Variants in LSAMP observed in about 807,000 individuals in gnomAD.
The protein encoded by LSAMP is limbic system associated membrane protein.
Under a neutral mutation model 38.6 loss-of-function variants are expected in LSAMP, and 7 were observed. That is an observed-to-expected ratio of 0.18 (90% CI 0.10 to 0.34). The LOEUF is 0.34. LSAMP is among the 10% of genes least tolerant of loss of function. The pLI, the probability that LSAMP is intolerant of heterozygous loss-of-function variation, is 1.00. For synonymous variants in LSAMP, 154 were observed against 166.8 expected (o/e 0.92, Z 0.59); for missense variants, 313 against 420.0 (o/e 0.75, Z 2.23).
intron 1 of LSAMP, among the ~76,000 whole-genome samples, chr3:116,216,190 T>TAGTC (rs1378962146): frequency 6.6e-6 from 1 of 152,236 alleles, no homozygotes; most frequent in Admixed American, 6.5e-5. Flanking sequence ...ATTTAAATTC[T>TAGTC]AGTCATGTCT....
At chr3:116,316,741 A>C (rs766871077) in intron 1 of LSAMP, among the ~76,000 whole-genome samples, 6 of 145,680 alleles carry the variant, frequency 4.1e-5, no homozygotes, top group Non-Finnish European at 7.5e-5. Context: ...ATTGCACTCC[A>C]GCCTGGGTGA....
chr3:115,879,613 A>G (rs1206681984), intron 3 of LSAMP, among the ~76,000 whole-genome samples: 2 of 152,254 alleles, frequency 1.3e-5, no homozygotes, highest in African/African-American at 2.4e-5. Flanking sequence ...GGCTGTACCA[A>G]TGGAGGGCAG....
At chr3:116,217,030 A>C (rs1202681879) in intron 1 of LSAMP, among the ~76,000 whole-genome samples, 1 of 152,174 alleles carries the variant, frequency 6.6e-6, no homozygotes, top group Non-Finnish European at 1.5e-5. Context: ...GACATTGGAA[A>C]TATCACAATC....
chr3:115,839,320 T>TCCTTCCTTCCTTC (rs1934920837), intron 6 of LSAMP, among the ~76,000 whole-genome samples: 1 of 141,742 alleles, frequency 7.1e-6, no homozygotes, highest in African/African-American at 2.5e-5. Context: ...CTTCCTTCCT[T>TCCTTCCTTCCTTC]TTTTCCTTGC....
intron 1 of LSAMP, among the ~76,000 whole-genome samples, chr3:116,427,553 T>A (rs1015822268): frequency 1.3e-5 from 2 of 152,220 alleles, no homozygotes; most frequent in Admixed American, 1.3e-4. Context: ...TACAGGTTCC[T>A]TGAGGGACTA....
intron 1 of LSAMP, among the ~76,000 whole-genome samples, chr3:116,258,835 A>C (rs1415933831): frequency 1.3e-5 from 2 of 152,142 alleles, no homozygotes; most frequent in African/African-American, 4.8e-5. Flanking sequence ...TGCTCAATTA[A>C]AAAGATAGAG....
intron 1 of LSAMP, among the ~76,000 whole-genome samples, chr3:116,118,844 T>C (rs1289122114): frequency 1.3e-5 from 2 of 152,218 alleles, no homozygotes; most frequent in Non-Finnish European, 2.9e-5. Context: ...CCCTCATCTA[T>C]TATAAAGTTT....
At chr3:116,234,324 G>A (rs9866532) in intron 1 of LSAMP, among the ~76,000 whole-genome samples, 109,738 of 151,992 alleles carry the variant, frequency 0.72, 41,070 homozygotes, top group South Asian at 0.84. Context: ...GGGCGTTCAC[G>A]GGGAATAATT....
intron 3 of LSAMP, among the ~76,000 whole-genome samples, chr3:115,887,793 C>A (rs527987613): frequency 6.6e-6 from 1 of 151,782 alleles, no homozygotes; most frequent in Non-Finnish European, 1.5e-5. Flanking sequence ...TTAGAGCAGG[C>A]GACCTTGGGG....
At chr3:116,344,422 A>G (rs1309828215) in intron 1 of LSAMP, among the ~76,000 whole-genome samples, 2 of 152,118 alleles carry the variant, frequency 1.3e-5, no homozygotes, top group Admixed American at 1.3e-4. Flanking sequence ...TGAGGGGGAG[A>G]ACATTATTTT....
intron 3 of LSAMP, among the ~76,000 whole-genome samples, chr3:115,892,958 T>C (rs1163784208): frequency 6.6e-6 from 1 of 151,782 alleles, no homozygotes; most frequent in Non-Finnish European, 1.5e-5. Context: ...TGAAGCTGTA[T>C]GTGAAATCTC....
At chr3:115,959,046 T>C (rs569345705) in intron 3 of LSAMP, among the ~76,000 whole-genome samples, 2 of 152,322 alleles carry the variant, frequency 1.3e-5, no homozygotes, top group South Asian at 4.1e-4. Flanking sequence ...CCATACCCTA[T>C]AGTTAGGACA....
rs145709624 is a variant in LSAMP at position 116,111,202 on chromosome 3, G to T, written c.156-24646C>A. Among the ~76,000 whole-genome samples the T allele has an allele frequency of 6.9e-3, 1,051 of 152,328 alleles. 10 individuals carry two copies. Among genetic ancestry groups the T allele is most frequent in the African/African-American group, 0.024 (977 of 41,570 alleles). On this transcript the variant is annotated intron_variant, in intron 1 of 6. Transcript: ENST00000490035. ...CGTGCAAGTCACAGGGGATGCGATG[G>T]CTTGGCTTGGGCTCAGAGGCCTGAC... is the stretch of plus-strand genomic sequence containing the variant.
At chr3:116,033,650 C>A (rs1424127041) in intron 2 of LSAMP, among the ~76,000 whole-genome samples, 1 of 152,116 alleles carries the variant, frequency 6.6e-6, no homozygotes, top group East Asian at 1.9e-4. Flanking sequence ...ATTTCTGTGG[C>A]AGCCACGACC....
intron 6 of LSAMP, chr3:115,814,018 T>C (rs1451063151): frequency 6.6e-6 from 1 of 152,226 alleles, no homozygotes; most frequent in Non-Finnish European, 1.5e-5. Flanking sequence ...AATTATATTT[T>C]AGTATCCAAT....
intron 1 of LSAMP, among the ~76,000 whole-genome samples, chr3:116,140,745 C>T (rs993171036): frequency 1.3e-5 from 2 of 151,904 alleles, no homozygotes; most frequent in African/African-American, 4.8e-5. Flanking sequence ...TATGTATCTG[C>T]TCAAGGGTGC....
chr3:116,288,381 G>A (rs988008733), intron 1 of LSAMP, among the ~76,000 whole-genome samples: 3 of 152,146 alleles, frequency 2.0e-5, no homozygotes, highest in Non-Finnish European at 4.4e-5. Context: ...TAGAGAAATG[G>A]CAGAACTGCC....
At position 115,852,601 on chromosome 3, in the gene LSAMP, T is replaced by C; in HGVS notation, c.531A>G (p.Gly177=). The C allele has an allele frequency of 6.2e-7, 1 of 1,611,890 alleles. No homozygotes were observed. Among genetic ancestry groups the C allele is most frequent in the Non-Finnish European group, 8.5e-7 (1 of 1,179,300 alleles). ...HLTPTGREFE[G]EEEYLEILGI... is the part of the protein sequence containing the mutation. ...CAAGGATCTCCAGATATTCTTCTTCTCCTTCAAATTCCCTTCCTGAAAAAC... is the reference window on the plus strand; with the variant it reads ...CAAGGATCTCCAGATATTCTTCTTCCCCTTCAAATTCCCTTCCTGAAAAAC... The change falls in exon 4 of 7, where the codon GGA becomes GGG. Residue 177 remains glycine, a synonymous_variant. Coordinates refer to ENST00000490035, the MANE Select transcript of LSAMP (RefSeq NM_002338.5).
At chr3:116,208,640 G>A (rs1375560839) in intron 1 of LSAMP, among the ~76,000 whole-genome samples, 3 of 152,162 alleles carry the variant, frequency 2.0e-5, no homozygotes, top group Non-Finnish European at 4.4e-5. Flanking sequence ...TCAGCTGCAG[G>A]TCTGTTGGAA....
Sources: gnomAD v4.1 joint callset for allele counts (sites outside exome capture counted in the v4.1 genomes callset) on GRCh38, gnomAD v4.1.1 for gene constraint, MANE v1.5 for transcripts, NCBI Gene and HGNC (gene_info 2026-07-23, HGNC 2026-07-21) for gene names.